Variants in CDH4 observed in about 807,000 individuals in gnomAD.
CDH4 encodes the protein cadherin-4.
CDH4 carries 33 observed loss-of-function variants against 86.0 expected under a neutral mutation model. The observed-to-expected ratio is 0.38, with a 90% CI of 0.29 to 0.51. The LOEUF is 0.51. Ranked by LOEUF, CDH4 falls within the 20% of genes least tolerant of loss-of-function variation. The pLI, the probability that CDH4 is intolerant of heterozygous loss-of-function variation, is 0.86. For missense variants in CDH4, 1,114 were observed against 1,307.4 expected (o/e 0.85, Z 2.28); for synonymous variants, 555 against 549.4 (o/e 1.01, Z -0.14).
chr20:61,606,641 G>A (rs1209488459), intron 2 of CDH4, among the ~76,000 whole-genome samples: 1 of 152,240 alleles, frequency 6.6e-6, no homozygotes, highest in Admixed American at 6.5e-5. Flanking sequence ...GGCCTCAGTG[G>A]CCTGTCCTGG....
intron 2 of CDH4, among the ~76,000 whole-genome samples, chr20:61,477,327 C>A (rs2085543144): frequency 7.5e-6 from 1 of 133,694 alleles, no homozygotes; most frequent in Non-Finnish European, 1.7e-5. Context: ...ATGGTCCGGG[C>A]CCCATGGGGT....
chr20:61,920,675 A>C (rs1216193111), intron 9 of CDH4, among the ~76,000 whole-genome samples: 2 of 147,026 alleles, frequency 1.4e-5, no homozygotes, highest in African/African-American at 5.2e-5. Flanking sequence ...ACTGCATGGA[A>C]GCGTGGTGTC....
At chr20:61,311,967 G>C (rs577948239) in intron 2 of CDH4, among the ~76,000 whole-genome samples, 2 of 152,272 alleles carry the variant, frequency 1.3e-5, no homozygotes, top group Non-Finnish European at 2.9e-5. Flanking sequence ...CATGTGTACT[G>C]TATGTGTTTA....
Position 61,803,318 on chromosome 20 carries a change from G to A in CDH4, c.576+30136G>A, listed in dbSNP as rs375856788. Among the ~76,000 whole-genome samples, 9 of 152,310 alleles carry A rather than the reference G, an allele frequency of 5.9e-5. 1 individual carries two copies. The highest frequency in any genetic ancestry group is 1.9e-4 in the East Asian group (1 of 5,186). On this transcript the variant is annotated intron_variant, in intron 4 of 15. Coordinates refer to ENST00000614565, the MANE Select transcript of CDH4 (RefSeq NM_001794.5). ...GCAGAGAAGTGCGGCCAGAGAGGCT[G>A]TCCAACCCAATTTCCCCGGGCTGGG... is the stretch of plus-strand genomic sequence containing the variant.
chr20:61,873,198 C>T (rs1983879484), intron 6 of CDH4, among the ~76,000 whole-genome samples: 1 of 152,204 alleles, frequency 6.6e-6, no homozygotes, highest in Admixed American at 6.5e-5. Context: ...ATAGGCACAG[C>T]CTCCCTGCTC....
chr20:61,704,862 G>A (rs1247176311), intron 2 of CDH4, among the ~76,000 whole-genome samples: 1 of 152,148 alleles, frequency 6.6e-6, no homozygotes, highest in Non-Finnish European at 1.5e-5. Flanking sequence ...GTGACTACAG[G>A]AATGTCTCCA....
At chr20:61,838,664 G>A (rs1030953791) in intron 4 of CDH4, among the ~76,000 whole-genome samples, 4 of 151,944 alleles carry the variant, frequency 2.6e-5, no homozygotes, top group Non-Finnish European at 4.4e-5. Context: ...AAAATTAGCT[G>A]GGTGTGGTGG....
chr20:61,275,593 C>T (rs576401090), intron 2 of CDH4, among the ~76,000 whole-genome samples: 7 of 106,530 alleles, frequency 6.6e-5, no homozygotes, highest in South Asian at 3.4e-4. Flanking sequence ...GAGTACCATG[C>T]GCAGTTTGGG....
At chr20:61,652,939 T>TTTTTTTTTTTTTTTTTA in intron 2 of CDH4, among the ~76,000 whole-genome samples, 1 of 103,702 alleles carries the variant, frequency 9.6e-6, no homozygotes, top group African/African-American at 3.2e-5. Context: ...TATTTATTTA[T>TTTTTTTTTTTTTTTTTA]TTTTTTTTTT....
At chr20:61,660,675 C>T (rs77962464) in intron 2 of CDH4, among the ~76,000 whole-genome samples, 2 of 152,222 alleles carry the variant, frequency 1.3e-5, no homozygotes, top group Admixed American at 6.5e-5. Context: ...GAGTGGGATG[C>T]GACCTCACTC....
intron 2 of CDH4, among the ~76,000 whole-genome samples, chr20:61,672,961 A>G (rs928135725): frequency 1.3e-5 from 2 of 152,098 alleles, no homozygotes; most frequent in African/African-American, 4.8e-5. Flanking sequence ...TCCATAGAAG[A>G]AGAAGAAGGA....
intron 4 of CDH4, among the ~76,000 whole-genome samples, chr20:61,794,238 AT>A (rs1240799802): frequency 6.6e-6 from 1 of 151,916 alleles, no homozygotes; most frequent in East Asian, 1.9e-4. Context: ...GAGAACTCTG[AT>A]GTGAGTACTT....
chr20:61,328,374 A>G (rs1006496376), intron 2 of CDH4, among the ~76,000 whole-genome samples: 9 of 152,100 alleles, frequency 5.9e-5, no homozygotes, highest in African/African-American at 2.2e-4. Flanking sequence ...ATGGGGTTTC[A>G]CTGTGTTAGC....
intron 9 of CDH4, among the ~76,000 whole-genome samples, chr20:61,920,144 T>G (rs1219927233): frequency 1.7e-4 from 19 of 114,280 alleles, no homozygotes; most frequent in East Asian, 2.8e-4. Flanking sequence ...GAAGCGTGGT[T>G]TTGTGATTGC....
chr20:61,498,582 C>T (rs1224097225), intron 2 of CDH4, among the ~76,000 whole-genome samples: 1 of 152,134 alleles, frequency 6.6e-6, no homozygotes. Flanking sequence ...TTACAATCTG[C>T]AGGTGAACCT....
intron 6 of CDH4, among the ~76,000 whole-genome samples, chr20:61,855,538 C>T: frequency 6.6e-6 from 1 of 152,308 alleles, no homozygotes; most frequent in East Asian, 1.9e-4. Flanking sequence ...CCACTGGCCT[C>T]TCTCCCGGAG....
intron 2 of CDH4, among the ~76,000 whole-genome samples, chr20:61,349,774 C>G (rs553611204): frequency 6.6e-6 from 1 of 152,330 alleles, no homozygotes; most frequent in Admixed American, 6.5e-5. Context: ...AAATAAGACC[C>G]CTCTGAGGCC....
At position 61,880,642 on chromosome 20, in the gene CDH4, A is replaced by G. The variant is rs890199164; in HGVS notation, c.1050+6742A>G. Among the ~76,000 whole-genome samples, 11 of 152,294 alleles carry G rather than the reference A, an allele frequency of 7.2e-5. No homozygotes were observed. The East Asian group carries it at 1.2e-3, about 16-fold the overall frequency. ...CACTGAGCAGCCCCAAGAGGACCCC[A>G]GGCCAGCAGGTCACCCCCAGGACGC... On this transcript the variant is annotated intron_variant, in intron 7 of 15. Coordinates refer to ENST00000614565, the MANE Select transcript of CDH4 (RefSeq NM_001794.5).
chr20:61,905,376 C>T (rs2054777876), intron 8 of CDH4, among the ~76,000 whole-genome samples: 2 of 152,328 alleles, frequency 1.3e-5, no homozygotes, highest in African/African-American at 4.8e-5. Context: ...GAGAGCGCCG[C>T]GCTCCCTCCT....
Sources: gnomAD v4.1 joint callset for allele counts (sites outside exome capture counted in the v4.1 genomes callset) on GRCh38, gnomAD v4.1.1 for gene constraint, MANE v1.5 for transcripts, NCBI Gene and HGNC (gene_info 2026-07-23, HGNC 2026-07-21) for gene names.